The following ARL15 variants were observed in gnomAD, a reference collection of about 807,000 sequenced individuals.
The protein encoded by ARL15 is ADP-ribosylation factor-like protein 15.
In ARL15, 19 loss-of-function variants were observed where a neutral mutation model predicts 25.2. The observed-to-expected ratio is 0.75, with a 90% CI of 0.53 to 1.10. The LOEUF (loss-of-function observed/expected upper bound fraction) is 1.10. Ranked by LOEUF, ARL15 falls within the 50% of genes least tolerant of loss-of-function variation. The pLI, the probability that ARL15 is intolerant of heterozygous loss-of-function variation, is 0.00. For synonymous variants in ARL15, 94 were observed against 86.8 expected, an observed-to-expected ratio of 1.08 and a Z score of -0.46; for missense variants, 220 against 246.0, an observed-to-expected ratio of 0.89 and a Z score of 0.71.
At chr5:54,173,545 C>T (rs1754782046) in intron 1 of ARL15, among the ~76,000 whole-genome samples, 1 of 152,136 alleles carries the variant, frequency 6.6e-6, no homozygotes, top group Non-Finnish European at 1.5e-5. Flanking sequence ...TCCCTCATTT[C>T]TCACATCTAA....
chr5:53,905,002 A>G (rs1474654054), intron 4 of ARL15, among the ~76,000 whole-genome samples: 1 of 152,180 alleles, frequency 6.6e-6, no homozygotes, highest in Non-Finnish European at 1.5e-5. Context: ...TGCTAGGATT[A>G]CAGGTGTGAA....
At chr5:54,027,121 T>G (rs1749806774) in intron 4 of ARL15, among the ~76,000 whole-genome samples, 1 of 152,204 alleles carries the variant, frequency 6.6e-6, no homozygotes, top group African/African-American at 2.4e-5. Context: ...TTCTAAAAAT[T>G]TAATTGACTG....
At chr5:54,180,053 G>C (rs981314354) in intron 1 of ARL15, among the ~76,000 whole-genome samples, 26 of 150,386 alleles carry the variant, frequency 1.7e-4, no homozygotes, top group Admixed American at 1.4e-3. Flanking sequence ...GCCCATGTGA[G>C]CTGCAGAGAT....
rs1449226033 is a variant in ARL15, at chr5:54,209,149, C to G, written c.49-37221G>C. 3.3e-5 allele frequency among the ~76,000 whole-genome samples: 5 copies of G among 151,960 alleles called. No individual in the cohort carries two copies. The East Asian group carries it at 7.7e-4, about 23-fold the overall frequency. On this transcript the variant is annotated intron_variant, in intron 1 of 4. Coordinates refer to ENST00000504924, the MANE Select transcript of ARL15 (RefSeq NM_019087.3). ...GATTTACCCAAAATGAGAACATTAA[C>G]TATATGGGCAGAATGAAGGAGTAGG...
At chr5:54,228,105 T>C (rs902893059) in intron 1 of ARL15, among the ~76,000 whole-genome samples, 4 of 152,126 alleles carry the variant, frequency 2.6e-5, no homozygotes, top group African/African-American at 9.7e-5. Context: ...AAATGCAAAT[T>C]ATCAGATGGC....
intron 4 of ARL15, among the ~76,000 whole-genome samples, chr5:54,102,785 T>C (rs1319314147): frequency 6.6e-6 from 1 of 152,216 alleles, no homozygotes; most frequent in African/African-American, 2.4e-5. Context: ...AGAACTGCTT[T>C]GGCTTGACAA....
intron 2 of ARL15, among the ~76,000 whole-genome samples, chr5:54,168,077 C>T (rs1241969676): frequency 6.6e-6 from 1 of 152,160 alleles, no homozygotes; most frequent in Non-Finnish European, 1.5e-5. Flanking sequence ...ATGTAAGCTC[C>T]AAAGAGCAGG....
chr5:53,987,360 A>G (rs983148473), intron 4 of ARL15, among the ~76,000 whole-genome samples: 1 of 152,068 alleles, frequency 6.6e-6, no homozygotes, highest in Non-Finnish European at 1.5e-5. Flanking sequence ...TTTTCTCTTC[A>G]TCTAGATCTA....
chr5:54,058,474 C>T (rs1234924429), intron 4 of ARL15, among the ~76,000 whole-genome samples: 1 of 152,178 alleles, frequency 6.6e-6, no homozygotes, highest in East Asian at 1.9e-4. Flanking sequence ...TCCTCCTCTC[C>T]AGGAGCTTGG....
chr5:54,019,766 A>G (rs1019331501), intron 4 of ARL15, among the ~76,000 whole-genome samples: 1 of 152,244 alleles, frequency 6.6e-6, no homozygotes, highest in Non-Finnish European at 1.5e-5. Context: ...TGGAACAAAA[A>G]GTAATATTTA....
intron 1 of ARL15, among the ~76,000 whole-genome samples, chr5:54,174,767 G>C (rs1234275966): frequency 6.6e-6 from 1 of 152,210 alleles, no homozygotes; most frequent in Admixed American, 6.5e-5. Flanking sequence ...GACTCAGAAT[G>C]AGAGTTTTTC....
chr5:54,033,731 G>A lies in ARL15; in HGVS notation c.462+79471C>T, dbSNP rs116372015. 5.3e-3 allele frequency among the ~76,000 whole-genome samples: 797 copies of A among 151,394 alleles called. 3 individuals carry two copies. Among genetic ancestry groups the A allele is most frequent in the Admixed American group, 0.011 (174 of 15,210 alleles). Reference sequence around the variant, plus strand: ...ATCTTTTAGAGTTGTTGAATATTTTGTTAAGAAAATACCACAGAAATAATA... The same window carrying A: ...ATCTTTTAGAGTTGTTGAATATTTTATTAAGAAAATACCACAGAAATAATA... On this transcript the variant is annotated intron_variant, in intron 4 of 4. Coordinates refer to ENST00000504924, the MANE Select transcript of ARL15 (RefSeq NM_019087.3).
intron 1 of ARL15, among the ~76,000 whole-genome samples, chr5:54,227,463 G>A (rs751655775): frequency 2.6e-5 from 4 of 152,146 alleles, no homozygotes; most frequent in South Asian, 2.1e-4. Flanking sequence ...TTTTATCAGT[G>A]AAAAAATAGA....
chr5:54,207,489 T>C (rs1755902927), intron 1 of ARL15, among the ~76,000 whole-genome samples: 1 of 152,204 alleles, frequency 6.6e-6, no homozygotes, highest in Non-Finnish European at 1.5e-5. Context: ...GTTACACAAA[T>C]GAGAAAAGAC....
At chr5:53,969,410 G>A (rs992438024) in intron 4 of ARL15, among the ~76,000 whole-genome samples, 2 of 152,164 alleles carry the variant, frequency 1.3e-5, no homozygotes, top group Non-Finnish European at 2.9e-5. Context: ...TTAATGTGGT[G>A]TTCTGTGCAG....
chr5:54,131,736 G>A (rs1181996157), intron 3 of ARL15, among the ~76,000 whole-genome samples: 1 of 152,144 alleles, frequency 6.6e-6, no homozygotes, highest in Admixed American at 6.5e-5. Context: ...CCACATTAGT[G>A]TGGCTACACT....
chr5:54,258,938 G>A (rs185731844), intron 1 of ARL15, among the ~76,000 whole-genome samples: 2 of 152,240 alleles, frequency 1.3e-5, no homozygotes, highest in Non-Finnish European at 2.9e-5. Context: ...TTTGAAACAT[G>A]AACAACCATA....
intron 4 of ARL15, among the ~76,000 whole-genome samples, chr5:54,046,928 G>A (rs150159803): frequency 2.1e-4 from 32 of 152,252 alleles, no homozygotes; most frequent in African/African-American, 7.2e-4. Flanking sequence ...GTGCTCAGGA[G>A]TCTCAACATT....
chr5:54,298,356 C>T (rs193130742), intron 1 of ARL15, among the ~76,000 whole-genome samples: 3 of 152,272 alleles, frequency 2.0e-5, no homozygotes, highest in East Asian at 1.9e-4. Flanking sequence ...AACTTCAGCA[C>T]GACACAACTA....
Sources: allele counts gnomAD v4.1 joint callset (sites outside exome capture counted in the v4.1 genomes callset), GRCh38; gene constraint gnomAD v4.1.1; transcripts MANE v1.5; gene names NCBI Gene and HGNC (gene_info 2026-07-23, HGNC 2026-07-21).